Variants in SYN2 observed in about 807,000 individuals in gnomAD.
SYN2 encodes the protein synapsin-2.
In SYN2, 19 loss-of-function variants were observed where a neutral mutation model predicts 50.9. The observed-to-expected ratio is 0.37, with a 90% CI of 0.26 to 0.55. SYN2 has a LOEUF of 0.55. Ranked by LOEUF, SYN2 falls within the 20% of genes least tolerant of loss-of-function variation. SYN2 has a pLI of 0.81. For synonymous variants in SYN2, 255 were observed against 224.9 expected, an observed-to-expected ratio of 1.13 and a Z score of -1.20; for missense variants, 587 against 576.4, an observed-to-expected ratio of 1.02 and a Z score of -0.19.
At chr3:12,060,678 C>A (rs1695094493) in intron 1 of SYN2, among the ~76,000 whole-genome samples, 1 of 152,128 alleles carries the variant, frequency 6.6e-6, no homozygotes, top group African/African-American at 2.4e-5. Flanking sequence ...AGAGGACATA[C>A]AAACAGGGAC....
chr3:12,039,984 C>T (rs1367170915), intron 1 of SYN2, among the ~76,000 whole-genome samples: 1 of 152,016 alleles, frequency 6.6e-6, no homozygotes, highest in Non-Finnish European at 1.5e-5. Flanking sequence ...GTCATGTGGG[C>T]ATTGGTGTTG....
chr3:12,076,358 G>A (rs1467424608), intron 1 of SYN2, among the ~76,000 whole-genome samples: 1 of 152,008 alleles, frequency 6.6e-6, no homozygotes, highest in Non-Finnish European at 1.5e-5. Flanking sequence ...AGTACATAAA[G>A]TAATTGTTTT....
At chr3:12,018,834 G>C (rs1221088764) in intron 1 of SYN2, among the ~76,000 whole-genome samples, 1 of 152,188 alleles carries the variant, frequency 6.6e-6, no homozygotes, top group Non-Finnish European at 1.5e-5. Flanking sequence ...CTAGTAACTG[G>C]TGGGATTGAG....
intron 1 of SYN2, among the ~76,000 whole-genome samples, chr3:12,120,372 A>C (rs1696528529): frequency 6.6e-6 from 1 of 152,112 alleles, no homozygotes; most frequent in African/African-American, 2.4e-5. Context: ...GATCTGACAG[A>C]GTCTACCTCT....
intron 10 of SYN2, among the ~76,000 whole-genome samples, chr3:12,182,876 A>G (rs1197190778): frequency 1.3e-5 from 2 of 152,192 alleles, no homozygotes; most frequent in Admixed American, 6.5e-5. Context: ...AGCCACCTAT[A>G]GTCCAACCCT....
At chr3:12,098,177 A>T (rs1695984232) in intron 1 of SYN2, among the ~76,000 whole-genome samples, 1 of 152,224 alleles carries the variant, frequency 6.6e-6, no homozygotes, top group African/African-American at 2.4e-5. Flanking sequence ...AAAAAGATTA[A>T]CAGCTTATTC....
intron 7 of SYN2, chr3:12,165,556 A>G (rs1312269949): frequency 6.6e-6 from 1 of 151,858 alleles, no homozygotes; most frequent in Non-Finnish European, 1.5e-5. Context: ...GAAAGTTAAC[A>G]CCTACAGACA....
At chr3:12,046,774 TGATTA>T (rs1187589961) in intron 1 of SYN2, among the ~76,000 whole-genome samples, 4 of 152,114 alleles carry the variant, frequency 2.6e-5, no homozygotes, top group Admixed American at 6.5e-5. Context: ...ACTTGATGAT[TGATTA>T]GATAAGAAAT....
chr3:12,083,412 T>C (rs897468421), intron 1 of SYN2, among the ~76,000 whole-genome samples: 1 of 152,214 alleles, frequency 6.6e-6, no homozygotes, highest in African/African-American at 2.4e-5. Flanking sequence ...TAACAAATCT[T>C]GCAGACTAAA....
intron 5 of SYN2, chr3:12,153,310 GT>G: frequency 1.6e-6 from 1 of 617,182 alleles, no homozygotes; most frequent in Non-Finnish European, 2.9e-6. Context: ...GACTAATGGG[GT>G]TTGGGAGGCA....
At chr3:12,015,018 C>T (rs1689508252) in intron 1 of SYN2, among the ~76,000 whole-genome samples, 1 of 152,180 alleles carries the variant, frequency 6.6e-6, no homozygotes, top group Non-Finnish European at 1.5e-5. Flanking sequence ...CTGCTTACTT[C>T]TCCTGCCTTG....
At chr3:12,162,338 T>G (rs1697674711) in intron 7 of SYN2, among the ~76,000 whole-genome samples, 184 bp downstream of exon 7, 1 of 152,210 alleles carries the variant, frequency 6.6e-6, no homozygotes, top group African/African-American at 2.4e-5. Flanking sequence ...ATATTCATTT[T>G]CACTTGCCTC....
chr3:12,017,655 T>G (rs1442978289), intron 1 of SYN2, among the ~76,000 whole-genome samples: 1 of 152,172 alleles, frequency 6.6e-6, no homozygotes, highest in Non-Finnish European at 1.5e-5. Flanking sequence ...TCTAACAATA[T>G]GATTGACACT....
chr3:12,154,211 A>G, intron 5 of SYN2: 2 of 1,471,870 alleles, frequency 1.4e-6, no homozygotes, highest in African/African-American at 1.4e-5. Flanking sequence ...CTCATCCCCA[A>G]CTTCATACAG....
intron 1 of SYN2, among the ~76,000 whole-genome samples, chr3:12,057,287 C>CTCTGTG (rs377485566): frequency 6.0e-5 from 8 of 133,908 alleles, no homozygotes; most frequent in African/African-American, 2.2e-4. Context: ...GCAAGACTGT[C>CTCTGTG]TGTGTGTGTG....
intron 1 of SYN2, among the ~76,000 whole-genome samples, chr3:12,074,561 A>G (rs1178920356): frequency 6.6e-6 from 1 of 151,374 alleles, no homozygotes; most frequent in East Asian, 1.9e-4. Context: ...CTCCAAAACA[A>G]CTCCGCAGTC....
At chr3:12,096,677 C>A (rs1695941601) in intron 1 of SYN2, among the ~76,000 whole-genome samples, 1 of 151,884 alleles carries the variant, frequency 6.6e-6, no homozygotes, top group East Asian at 1.9e-4. Context: ...TGATGTCTCC[C>A]CAAATAAGGA....
chr3:12,033,582 A>G (rs1221044000), intron 1 of SYN2, among the ~76,000 whole-genome samples: 2 of 152,202 alleles, frequency 1.3e-5, no homozygotes, highest in Non-Finnish European at 2.9e-5. Flanking sequence ...TGGTTTTAGT[A>G]TATTCACAAG....
intron 1 of SYN2, among the ~76,000 whole-genome samples, chr3:12,018,944 T>A (rs1245842992): frequency 6.6e-6 from 1 of 152,114 alleles, no homozygotes; most frequent in Non-Finnish European, 1.5e-5. Flanking sequence ...GGGGAGGAAA[T>A]AGGTTTTCTC....
Sources: allele counts gnomAD v4.1 joint callset (sites outside exome capture counted in the v4.1 genomes callset), GRCh38; gene constraint gnomAD v4.1.1; transcripts MANE v1.5; gene names NCBI Gene and HGNC (gene_info 2026-07-23, HGNC 2026-07-21).